The following APBA1 variants were observed in gnomAD, a reference collection of about 807,000 sequenced individuals.
APBA1 encodes the protein amyloid-beta A4 precursor protein-binding family A member 1.
In APBA1, 55 loss-of-function variants were observed where a neutral mutation model predicts 86.6. The ratio of observed to expected loss-of-function variants is 0.64; its 90% CI spans 0.51 to 0.80. APBA1 has a LOEUF of 0.80. Among genes scored for constraint, APBA1 ranks in the 30% least tolerant of loss-of-function variants. The pLI, the probability that APBA1 is intolerant of heterozygous loss-of-function variation, is 0.00. For synonymous variants in APBA1, 511 were observed against 493.9 expected (o/e 1.03, Z -0.46); for missense variants, 1,090 against 1,183.0 (o/e 0.92, Z 1.15).
intron 1 of APBA1, among the ~76,000 whole-genome samples, chr9:69,656,668 T>C (rs1194962716): frequency 6.6e-6 from 1 of 152,252 alleles, no homozygotes; most frequent in East Asian, 1.9e-4. Context: ...TTCAGATATG[T>C]GAAAATTTAG....
intron 1 of APBA1, among the ~76,000 whole-genome samples, chr9:69,634,391 T>A (rs1264316979): frequency 6.6e-6 from 1 of 152,132 alleles, no homozygotes; most frequent in East Asian, 1.9e-4. Context: ...GCAACTTGAG[T>A]TCCTGCAAGT....
intron 1 of APBA1, among the ~76,000 whole-genome samples, chr9:69,583,252 C>T (rs927181841): frequency 3.9e-5 from 6 of 152,284 alleles, no homozygotes; most frequent in Non-Finnish European, 4.4e-5. Flanking sequence ...AGTCCACCAC[C>T]ACTGTTGGTT....
chr9:69,541,820 T>C (rs1836618633), intron 1 of APBA1, among the ~76,000 whole-genome samples: 1 of 152,044 alleles, frequency 6.6e-6, no homozygotes, highest in Admixed American at 6.5e-5. Context: ...TAATAAGTAA[T>C]TTATTAAAAC....
intron 4 of APBA1, among the ~76,000 whole-genome samples, 183 bp downstream of exon 4, chr9:69,471,473 A>AT (rs1230634501): frequency 6.6e-6 from 1 of 152,154 alleles, no homozygotes; most frequent in African/African-American, 2.4e-5. Context: ...CGTGAGGAGG[A>AT]TTTCTGAGAG....
chr9:69,492,026 T>C (rs1588317407), intron 2 of APBA1, among the ~76,000 whole-genome samples: 1 of 151,964 alleles, frequency 6.6e-6, no homozygotes, highest in African/African-American at 2.4e-5. Context: ...CAGCCTCCCA[T>C]AGTGCTGGGA....
At chr9:69,602,438 G>C (rs932777385) in intron 1 of APBA1, among the ~76,000 whole-genome samples, 2 of 152,056 alleles carry the variant, frequency 1.3e-5, no homozygotes, top group Non-Finnish European at 2.9e-5. Context: ...GGGCATGGTG[G>C]CAGCCGCCTA....
chr9:69,647,284 T>C (rs1045003746), intron 1 of APBA1, among the ~76,000 whole-genome samples: 15 of 152,168 alleles, frequency 9.9e-5, no homozygotes, highest in Non-Finnish European at 1.9e-4. Flanking sequence ...CTTCACAAAA[T>C]ATATGAAAAG....
In APBA1 at chr9:69,448,356, G is replaced by T. The variant is rs1383676041; in HGVS notation, c.2181+1228C>A. On this transcript the variant is annotated intron_variant, in intron 10 of 12. Coordinates refer to ENST00000265381, the MANE Select transcript of APBA1 (RefSeq NM_001163.4). ...CACAGAGGCCCAATTAAACCTTTCTGAATGAATATCCATGTTCAAAGTTGA... is the reference window on the plus strand; with the variant it reads ...CACAGAGGCCCAATTAAACCTTTCTTAATGAATATCCATGTTCAAAGTTGA... 2.0e-5 allele frequency among the ~76,000 whole-genome samples: 3 copies of T among 152,226 alleles called. No individual in the cohort carries two copies. The East Asian group carries it at 5.8e-4, about 29-fold the overall frequency.
chr9:69,614,381 T>C (rs867531669), intron 1 of APBA1, among the ~76,000 whole-genome samples: 2 of 152,198 alleles, frequency 1.3e-5, no homozygotes, highest in African/African-American at 2.4e-5. Flanking sequence ...ATGAGAAACA[T>C]TGTCAAATGA....
chr9:69,604,098 G>A (rs111802646), intron 1 of APBA1, among the ~76,000 whole-genome samples: 298 of 152,346 alleles, frequency 2.0e-3, no homozygotes, highest in African/African-American at 7.1e-3. Context: ...GTATAGTGAG[G>A]ACAAGTCTCA....
chr9:69,483,078 C>A (rs1180913332), intron 2 of APBA1, among the ~76,000 whole-genome samples: 2 of 145,842 alleles, frequency 1.4e-5, no homozygotes, highest in Non-Finnish European at 3.0e-5. Flanking sequence ...ATGTAACTAA[C>A]CTGCACAATG....
Position 69,564,601 on chromosome 9 carries a change from T to C in APBA1, c.-69-47322A>G, listed in dbSNP as rs182415576. Among the ~76,000 whole-genome samples the C allele has an allele frequency of 3.9e-5, 6 of 152,270 alleles. No individual in the cohort carries two copies. The East Asian group carries it at 5.8e-4, about 15-fold the overall frequency. On this transcript the variant is annotated intron_variant, in intron 1 of 12. Coordinates refer to ENST00000265381, the MANE Select transcript of APBA1 (RefSeq NM_001163.4). ...TACATGCTCAGAAGGGGCCAGAATTTTGGGGAGTAAAGAAGTAGGAGACAT... is the reference window on the plus strand; with the variant it reads ...TACATGCTCAGAAGGGGCCAGAATTCTGGGGAGTAAAGAAGTAGGAGACAT...
At chr9:69,632,778 GT>G (rs1370353316) in intron 1 of APBA1, among the ~76,000 whole-genome samples, 1 of 152,150 alleles carries the variant, frequency 6.6e-6, no homozygotes, top group Non-Finnish European at 1.5e-5. Flanking sequence ...GGAAATAGAT[GT>G]TTTTGGGTAT....
In APBA1 at chr9:69,505,897, T is replaced by C. The variant is rs565517076; in HGVS notation, c.1200+10114A>G. ...AGATGGGCATGGTGGCATGCACCTG[T>C]AGTCCCAGCTACTTGGGAGGCTGAG... On this transcript the variant is annotated intron_variant, in intron 2 of 12. Coordinates refer to ENST00000265381, the MANE Select transcript of APBA1 (RefSeq NM_001163.4). Among the ~76,000 whole-genome samples, 8 of 152,030 alleles carry C rather than the reference T, an allele frequency of 5.3e-5. No homozygotes were observed. The East Asian group carries it at 1.6e-3, about 29-fold the overall frequency.
At chr9:69,472,950 A>AC (rs1341882585) in intron 3 of APBA1, among the ~76,000 whole-genome samples, 2 of 152,226 alleles carry the variant, frequency 1.3e-5, no homozygotes, top group African/African-American at 4.8e-5. Context: ...CCTAGTTGTA[A>AC]GACTCCAGCT....
At chr9:69,654,052 C>A (rs970573672) in intron 1 of APBA1, among the ~76,000 whole-genome samples, 1 of 138,964 alleles carries the variant, frequency 7.2e-6, no homozygotes, top group Non-Finnish European at 1.5e-5. Flanking sequence ...GAGGCAGTTG[C>A]GGTGAGCCGA....
intron 2 of APBA1, among the ~76,000 whole-genome samples, chr9:69,499,585 C>T (rs12344522): frequency 6.6e-6 from 1 of 151,434 alleles, no homozygotes; most frequent in South Asian, 2.1e-4. Flanking sequence ...ACAGCAAGGT[C>T]GACAGGATAA....
chr9:69,617,041 C>T (rs985956547), intron 1 of APBA1, among the ~76,000 whole-genome samples: 2 of 152,148 alleles, frequency 1.3e-5, no homozygotes, highest in Non-Finnish European at 2.9e-5. Flanking sequence ...CACACACACA[C>T]ATATACACAT....
intron 1 of APBA1, among the ~76,000 whole-genome samples, chr9:69,589,096 A>T (rs1435595297): frequency 1.3e-5 from 2 of 152,146 alleles, no homozygotes; most frequent in Non-Finnish European, 2.9e-5. Flanking sequence ...CTGGAACTAC[A>T]GGCACACACC....
Sources: allele counts gnomAD v4.1 joint callset (sites outside exome capture counted in the v4.1 genomes callset), GRCh38; gene constraint gnomAD v4.1.1; transcripts MANE v1.5; gene names NCBI Gene and HGNC (gene_info 2026-07-23, HGNC 2026-07-21).